Variants in CDH7 observed in about 807,000 individuals in gnomAD.
CDH7 encodes cadherin 7.
Under a neutral mutation model 71.8 loss-of-function variants are expected in CDH7, and 25 were observed. That is an observed-to-expected ratio of 0.35 (90% CI 0.25 to 0.49). CDH7 has a LOEUF of 0.49. Among genes scored for constraint, CDH7 ranks in the 20% least tolerant of loss-of-function variants. CDH7 has a pLI of 0.99. For missense variants in CDH7, 862 were observed against 974.6 expected (o/e 0.88, Z 1.54); for synonymous variants, 381 against 363.8 (o/e 1.05, Z -0.54).
At chr18:65,874,045 A>G (rs73545373) in intron 11 of CDH7, among the ~76,000 whole-genome samples, 8,875 of 152,260 alleles carry the variant, frequency 0.058, 314 homozygotes, top group Middle Eastern at 0.079. Flanking sequence ...GCACATACTT[A>G]CTATCATGTA....
intron 6 of CDH7, among the ~76,000 whole-genome samples, chr18:65,832,901 A>C (rs1912401333): frequency 6.6e-6 from 1 of 152,066 alleles, no homozygotes; most frequent in Non-Finnish European, 1.5e-5. Context: ...TTTTTCTATA[A>C]AATGCATTAC....
At chr18:65,860,446 C>G (rs1321019668) in intron 10 of CDH7, among the ~76,000 whole-genome samples, 1 of 152,068 alleles carries the variant, frequency 6.6e-6, no homozygotes, top group Non-Finnish European at 1.5e-5. Context: ...AAAAAACTTA[C>G]AAATACCTAC....
chr18:65,765,198 GAAAAAGGGCTGTAACAT>G (rs1916318053), intron 2 of CDH7, among the ~76,000 whole-genome samples: 1 of 151,858 alleles, frequency 6.6e-6, no homozygotes, highest in African/African-American at 2.4e-5. Flanking sequence ...CTAAAATACA[GAAAAAGGGCTGTAACAT>G]AATTTGAGAT....
At chr18:65,856,516 C>T (rs1202424026) in intron 7 of CDH7, among the ~76,000 whole-genome samples, 1 of 151,934 alleles carries the variant, frequency 6.6e-6, no homozygotes, top group Non-Finnish European at 1.5e-5. Context: ...TAGAGTTTCC[C>T]ACAGTAATGC....
intron 2 of CDH7, among the ~76,000 whole-genome samples, chr18:65,804,092 G>A (rs1181397674): frequency 1.3e-5 from 2 of 152,000 alleles, no homozygotes; most frequent in South Asian, 4.2e-4. Flanking sequence ...TAGTGTTAAA[G>A]CTTTCACAAT....
At chr18:65,819,076 C>T (rs28547237) in intron 4 of CDH7, among the ~76,000 whole-genome samples, 12,957 of 151,974 alleles carry the variant, frequency 0.085, 944 homozygotes, top group African/African-American at 0.19. Flanking sequence ...TAAGAGATCG[C>T]TAGCTGCCCT....
At chr18:65,814,372 G>C in intron 3 of CDH7, 113 bp from the exon 4 acceptor site, 3 of 1,218,326 alleles carry the variant, frequency 2.5e-6, no homozygotes, top group Non-Finnish European at 3.6e-6. Flanking sequence ...TCTTGAAAAA[G>C]ATAAATGAAA....
chr18:65,887,620 G>T lies in CDH7; in HGVS notation c.*6726G>T, dbSNP rs959029743. 1 of 151,948 alleles carries T rather than the reference G, an allele frequency of 6.6e-6. No individual in the cohort carries two copies. Among genetic ancestry groups the T allele is most frequent in the Non-Finnish European group, 1.5e-5 (1 of 68,002 alleles). The allele number at this position is 151,948 out of a possible 1,614,324, so 9.4% of individuals were successfully genotyped here. ...GTGTGTGTATATATAGACAGCATGCGCACACATACATACACGTGTGCAGGA... is the reference window on the plus strand; with the variant it reads ...GTGTGTGTATATATAGACAGCATGCTCACACATACATACACGTGTGCAGGA... On this transcript the variant is annotated 3_prime_UTR_variant, in exon 12 of 12. Transcript: ENST00000397968.
intron 7 of CDH7, among the ~76,000 whole-genome samples, chr18:65,856,813 G>A (rs1913374351): frequency 6.6e-6 from 1 of 152,064 alleles, no homozygotes; most frequent in Non-Finnish European, 1.5e-5. Context: ...TCATCATGAG[G>A]GGAGGGTAAA....
intron 7 of CDH7, among the ~76,000 whole-genome samples, chr18:65,854,757 T>C (rs1367901727): frequency 2.6e-5 from 4 of 152,136 alleles, no homozygotes; most frequent in African/African-American, 4.8e-5. Flanking sequence ...ATTGGCTTAA[T>C]TGATGCATGA....
chr18:65,884,532 A>T lies in CDH7; in HGVS notation c.*3638A>T, dbSNP rs987019647. 1 of 152,222 alleles carries T rather than the reference A, an allele frequency of 6.6e-6. No homozygotes were observed. The highest frequency in any genetic ancestry group is 1.5e-5 in the Non-Finnish European group (1 of 68,042). 9.4% of individuals were successfully genotyped at this position (152,222 alleles called of 1,614,324 possible). The stretch of plus-strand genomic sequence containing the variant: ...GGAAGTTTTAAATTATTTTATCTTC[A>T]TGCACAATTACATTTACTACATTGG... On this transcript the variant is annotated 3_prime_UTR_variant, in exon 12 of 12. Coordinates refer to ENST00000397968, the MANE Select transcript of CDH7 (RefSeq NM_004361.5).
At chr18:65,785,427 T>C (rs1406891727) in intron 2 of CDH7, among the ~76,000 whole-genome samples, 2 of 152,112 alleles carry the variant, frequency 1.3e-5, no homozygotes, top group African/African-American at 2.4e-5. Flanking sequence ...ATGGAATTAA[T>C]TGAGTCATTT....
At chr18:65,776,776 A>G (rs1909963585) in intron 2 of CDH7, among the ~76,000 whole-genome samples, 1 of 152,156 alleles carries the variant, frequency 6.6e-6, no homozygotes, top group African/African-American at 2.4e-5. Context: ...GAGGTTGACA[A>G]ATTCATTTCA....
chr18:65,810,826 A>G (rs1362255877), intron 3 of CDH7, among the ~76,000 whole-genome samples: 1 of 152,214 alleles, frequency 6.6e-6, no homozygotes, highest in East Asian at 1.9e-4. Context: ...AATTTATAGC[A>G]ACGGTAAGGA....
rs1369727901 is a variant in CDH7, at chr18:65,862,915, T to C, written c.1862T>C (p.Leu621Ser). The C allele has an allele frequency of 1.9e-6, 3 of 1,613,992 alleles. No homozygotes were observed. Among genetic ancestry groups the C allele is most frequent in the Non-Finnish European group, 2.5e-6 (3 of 1,179,972 alleles). ...IAILACVLTLLVLILLIVTMR... is the reference protein window; with the variant it reads ...IAILACVLTLSVLILLIVTMR... Reference sequence around the variant, plus strand: ...ATACTCGCCTGTGTCTTGACATTATTGGGTAGGTACTGTTTCCAGGGCTTG... The same window carrying C: ...ATACTCGCCTGTGTCTTGACATTATCGGGTAGGTACTGTTTCCAGGGCTTG... The change falls in exon 11 of 12, where the codon TTG (leucine) becomes TCG (serine). Residue 621 changes from leucine to serine, a missense_variant and splice_region_variant. Coordinates refer to ENST00000397968, the MANE Select transcript of CDH7 (RefSeq NM_004361.5).
intron 2 of CDH7, among the ~76,000 whole-genome samples, chr18:65,804,208 C>A (rs544267768): frequency 1.7e-4 from 26 of 152,154 alleles, no homozygotes; most frequent in Admixed American, 3.9e-4. Context: ...AAAAGTGCAA[C>A]TCTAACATTA....
In CDH7 at chr18:65,886,907, T is replaced by G. The variant is rs540262985; in HGVS notation, c.*6013T>G. The G allele has an allele frequency of 2.0e-5, 3 of 152,118 alleles. No individual in the cohort carries two copies. In the East Asian group the frequency reaches 5.8e-4, roughly 29 times the overall value. The allele number at this position is 152,118 out of a possible 1,614,324, so 9.4% of individuals were successfully genotyped here. On this transcript the variant is annotated 3_prime_UTR_variant, in exon 12 of 12. Transcript: ENST00000397968. ...AAAATAATATATAATGGATATTACT[T>G]TTTGTCAGTGATGCCAAGATGAATG...
rs1357273803 is a variant in CDH7 at position 65,889,891 on chromosome 18, G to T, written c.*8997G>T. 1.3e-5 allele frequency: 2 copies of T among 152,176 alleles called. No individual in the cohort carries two copies. Among genetic ancestry groups the T allele is most frequent in the East Asian group, 3.8e-4 (2 of 5,196 alleles). 9.4% of individuals were successfully genotyped at this position (152,176 alleles called of 1,614,324 possible). A position where few individuals can be genotyped will look rare whatever the true frequency, so the allele number is the denominator to read the frequency against. ...AGTTTAACGTGCTTATAACCAGTGT[G>T]ATCCTTGTTAATCAGAATTCTAGAA... On this transcript the variant is annotated 3_prime_UTR_variant, in exon 12 of 12. Transcript: ENST00000397968.
chr18:65,759,812 G>A (rs772457346), intron 1 of CDH7, among the ~76,000 whole-genome samples: 2 of 152,112 alleles, frequency 1.3e-5, no homozygotes, highest in Non-Finnish European at 2.9e-5. Context: ...TGTGTGCTTC[G>A]TTCCTCATCA....
Sources: allele counts gnomAD v4.1 joint callset (sites outside exome capture counted in the v4.1 genomes callset), GRCh38; gene constraint gnomAD v4.1.1; transcripts MANE v1.5; gene names NCBI Gene and HGNC (gene_info 2026-07-23, HGNC 2026-07-21).